Variants in UBE2E2 observed in about 807,000 individuals in gnomAD.
The protein encoded by UBE2E2 is ubiquitin conjugating enzyme E2 E2.
A neutral mutation model predicts 24.7 loss-of-function variants in UBE2E2; 6 were observed. The observed-to-expected ratio is 0.24, with a 90% CI of 0.13 to 0.48. The LOEUF (loss-of-function observed/expected upper bound fraction) is 0.48. Ranked by LOEUF, UBE2E2 falls within the 20% of genes least tolerant of loss-of-function variation. The probability of loss-of-function intolerance (pLI) is 0.99; values close to 1 mark genes in which losing one functional copy is unlikely to be tolerated. For missense variants in UBE2E2, 169 were observed against 245.0 expected (o/e 0.69, Z 2.07); for synonymous variants, 104 against 83.6 (o/e 1.24, Z -1.33).
At chr3:23,393,082 C>G (rs1465897298) in intron 3 of UBE2E2, among the ~76,000 whole-genome samples, 1 of 152,184 alleles carries the variant, frequency 6.6e-6, no homozygotes, top group Admixed American at 6.5e-5. Flanking sequence ...TCTCATCTTA[C>G]AGAGATCCCT....
At chr3:23,554,964 T>C (rs1695740195) in intron 5 of UBE2E2, among the ~76,000 whole-genome samples, 1 of 152,012 alleles carries the variant, frequency 6.6e-6, no homozygotes, top group Admixed American at 6.6e-5. Context: ...TTGCCCAGGC[T>C]GGAGTACAGT....
chr3:23,266,977 G>T (rs1415693639), intron 3 of UBE2E2, among the ~76,000 whole-genome samples: 6 of 152,000 alleles, frequency 3.9e-5, no homozygotes, highest in Non-Finnish European at 8.8e-5. Flanking sequence ...CGAAATGAAG[G>T]CAGAAATAAA....
intron 5 of UBE2E2, among the ~76,000 whole-genome samples, chr3:23,582,860 A>AGTGTGTGT (rs58053821): frequency 0.069 from 8,015 of 116,708 alleles, 270 homozygotes; most frequent in African/African-American, 0.076. Context: ...TATTCTGTTG[A>AGTGTGTGT]GTGTGTGTGT....
intron 4 of UBE2E2, among the ~76,000 whole-genome samples, chr3:23,532,158 G>C (rs937020469): frequency 1.3e-5 from 2 of 151,622 alleles, no homozygotes; most frequent in Non-Finnish European, 2.9e-5. Context: ...TATTATAAAT[G>C]TACAAAATCC....
At chr3:23,498,947 A>G (rs749326008) in intron 3 of UBE2E2, among the ~76,000 whole-genome samples, 1 of 152,210 alleles carries the variant, frequency 6.6e-6, no homozygotes. Flanking sequence ...TTGCTTTGTT[A>G]TTAATTCATC....
Position 23,589,750 on chromosome 3 carries a change from C to T in UBE2E2, c.525C>T (p.Gly175=). 6.2e-7 allele frequency: 1 copy of T among 1,614,068 alleles called. No individual in the cohort carries two copies. The highest frequency in any genetic ancestry group is 8.5e-7 in the Non-Finnish European group (1 of 1,179,940). ...TDCNPADPLV[G]SIATQYMTNR... is the part of the protein sequence containing the mutation. ...TCCTTGCAGCTGACCCTCTGGTGGG[C>T]AGCATCGCCACACAGTACATGACCA... Residue 175 remains glycine (G), a synonymous_variant, in exon 6 of 6, where the codon GGC becomes GGT. Transcript: ENST00000396703. The surrounding 1 kb of genome is among the most constrained non-coding windows in gnomAD (Gnocchi z 4.1).
At chr3:23,552,229 C>CT (rs1336744154) in intron 5 of UBE2E2, among the ~76,000 whole-genome samples, 2 of 152,200 alleles carry the variant, frequency 1.3e-5, no homozygotes, top group Non-Finnish European at 2.9e-5. Context: ...TGGCACCCCC[C>CT]TGTAGTCCTA....
At chr3:23,377,584 T>C (rs778874704) in intron 3 of UBE2E2, among the ~76,000 whole-genome samples, 40 of 152,180 alleles carry the variant, frequency 2.6e-4, no homozygotes, top group Admixed American at 2.6e-4. Context: ...ATACCAAATA[T>C]TGGGAGGACC....
chr3:23,324,910 G>A (rs1694842471), intron 3 of UBE2E2, among the ~76,000 whole-genome samples: 1 of 152,064 alleles, frequency 6.6e-6, no homozygotes, highest in African/African-American at 2.4e-5. Context: ...ATTACAGGAA[G>A]TGACACATAT....
chr3:23,377,947 A>G (rs1696562874), intron 3 of UBE2E2, among the ~76,000 whole-genome samples: 1 of 152,184 alleles, frequency 6.6e-6, no homozygotes, highest in Non-Finnish European at 1.5e-5. Context: ...ATGACTAGAT[A>G]TTATATAACT....
intron 4 of UBE2E2, among the ~76,000 whole-genome samples, chr3:23,525,817 T>C (rs188809382): frequency 9.3e-4 from 142 of 152,342 alleles, no homozygotes; most frequent in Middle Eastern, 6.8e-3. Context: ...TTCTGGAAAA[T>C]TGAGTCAGAG....
chr3:23,276,446 C>T (rs1052756154), intron 3 of UBE2E2, among the ~76,000 whole-genome samples: 1 of 152,096 alleles, frequency 6.6e-6, no homozygotes, highest in Non-Finnish European at 1.5e-5. Flanking sequence ...GCATAGAACT[C>T]CCTTTCATTT....
At chr3:23,301,725 G>T (rs1224248059) in intron 3 of UBE2E2, among the ~76,000 whole-genome samples, 1 of 152,156 alleles carries the variant, frequency 6.6e-6, no homozygotes, top group African/African-American at 2.4e-5. Flanking sequence ...GGCTACTTGG[G>T]GGTCAGGGAC....
At chr3:23,323,630 T>C (rs1210579010) in intron 3 of UBE2E2, 5 of 413,594 alleles carry the variant, frequency 1.2e-5, no homozygotes, top group East Asian at 8.5e-5. Flanking sequence ...AAATAAAATA[T>C]CCAAAACACT....
chr3:23,572,744 C>T (rs1429907890), intron 5 of UBE2E2, among the ~76,000 whole-genome samples: 1 of 152,218 alleles, frequency 6.6e-6, no homozygotes, highest in Non-Finnish European at 1.5e-5. Context: ...CATGCTATCC[C>T]ATGCTGTATA....
chr3:23,392,131 A>G (rs1457623499), intron 3 of UBE2E2, among the ~76,000 whole-genome samples: 2 of 152,160 alleles, frequency 1.3e-5, no homozygotes, highest in Non-Finnish European at 2.9e-5. Context: ...TATAGTCTTG[A>G]AAAAGTGGAG....
At chr3:23,562,823 T>G (rs960919109) in intron 5 of UBE2E2, among the ~76,000 whole-genome samples, 1 of 152,234 alleles carries the variant, frequency 6.6e-6, no homozygotes, top group Non-Finnish European at 1.5e-5. Flanking sequence ...CAGGAATTTA[T>G]CCATTTCTTC....
chr3:23,365,885 A>G (rs994063302), intron 3 of UBE2E2, among the ~76,000 whole-genome samples: 4 of 152,232 alleles, frequency 2.6e-5, no homozygotes, highest in Admixed American at 2.0e-4. Flanking sequence ...ACGATAACCA[A>G]AAAAGCACAA....
intron 3 of UBE2E2, among the ~76,000 whole-genome samples, chr3:23,487,617 G>T (rs150268648): frequency 6.6e-6 from 1 of 152,146 alleles, no homozygotes; most frequent in African/African-American, 2.4e-5. Flanking sequence ...TTCATTTGAT[G>T]CTCACATCAA....
Sources: gnomAD v4.1 joint callset for allele counts (sites outside exome capture counted in the v4.1 genomes callset) on GRCh38, gnomAD v4.1.1 for gene constraint, Gnocchi (gnomAD v3.1) non-coding constraint, MANE v1.5 for transcripts, NCBI Gene and HGNC (gene_info 2026-07-23, HGNC 2026-07-21) for gene names.